The following NUMA1 variants were observed in gnomAD, a reference collection of about 807,000 sequenced individuals.
The protein encoded by NUMA1 is nuclear mitotic apparatus protein 1.
In NUMA1, 62 loss-of-function variants were observed where a neutral mutation model predicts 237.1. That is an observed-to-expected ratio of 0.26 (90% CI 0.21 to 0.32). The LOEUF (loss-of-function observed/expected upper bound fraction) is 0.32, where lower values mean the gene tolerates loss of function less well. NUMA1 is among the 10% of genes least tolerant of loss of function. The pLI is 1.00. For synonymous variants in NUMA1, 1,028 were observed against 1,066.1 expected (o/e 0.96, Z 0.70); for missense variants, 2,533 against 2,666.5 (o/e 0.95, Z 1.10).
At chr11:72,036,139 A>G in intron 2 of NUMA1, among the ~76,000 whole-genome samples, 164 bp from the exon 3 acceptor site, 1 of 152,210 alleles carries the variant, frequency 6.6e-6, no homozygotes, top group East Asian at 1.9e-4. Context: ...TACACATGAC[A>G]ATTACTATAG....
intron 2 of NUMA1, among the ~76,000 whole-genome samples, chr11:72,060,868 G>A (rs966827728): frequency 2.0e-5 from 3 of 152,008 alleles, no homozygotes; most frequent in Admixed American, 6.6e-5. Context: ...CAGGAGAATC[G>A]AGACTGTCCT....
rs1227996383 is a variant in NUMA1, at chr11:72,015,847, C to T, written c.1656G>A (p.Gln552=). 3 of 1,614,068 alleles carry T rather than the reference C, an allele frequency of 1.9e-6. No homozygotes were observed. Among genetic ancestry groups the T allele is most frequent in the East Asian group, 2.2e-5 (1 of 44,890 alleles). Residue 552 remains glutamine (Q), a synonymous_variant, in exon 15 of 27, where the codon CAG becomes CAA. Transcript: ENST00000393695. This position sits in a 1 kb window ranked among gnomAD's most constrained non-coding sequence, Gnocchi z 4.0. ...TCAGGCTACTGCTTAGCTGCTCCAC[C>T]TGGTGGCGGAGGCCCTGGGAGGCCT... is the stretch of plus-strand genomic sequence containing the variant. ...QEQASQGLRH[Q]VEQLSSSLKQ...
intron 1 of NUMA1, among the ~76,000 whole-genome samples, chr11:72,078,413 A>G (rs550666702): frequency 3.9e-5 from 6 of 152,252 alleles, no homozygotes; most frequent in Non-Finnish European, 7.3e-5. Flanking sequence ...CACAAACCTA[A>G]TATCTTCTGA....
chr11:72,049,394 T>C (rs1942179990), intron 2 of NUMA1: 1 of 151,136 alleles, frequency 6.6e-6, no homozygotes, highest in Non-Finnish European at 1.5e-5. Context: ...AGAACCAAGC[T>C]AGGGTCGGAT....
chr11:72,071,429 A>T (rs1295087647), intron 1 of NUMA1, among the ~76,000 whole-genome samples: 1 of 152,236 alleles, frequency 6.6e-6, no homozygotes, highest in Non-Finnish European at 1.5e-5. Flanking sequence ...AAATGCTATG[A>T]AAGACAAAAA....
At chr11:72,061,461 C>T (rs1480084946) in intron 2 of NUMA1, among the ~76,000 whole-genome samples, 3 of 150,004 alleles carry the variant, frequency 2.0e-5, no homozygotes, top group African/African-American at 7.4e-5. Context: ...CTATGCACTA[C>T]TCTTCGTCTT....
At chr11:72,059,131 C>G (rs1488492839) in intron 2 of NUMA1, among the ~76,000 whole-genome samples, 1 of 152,202 alleles carries the variant, frequency 6.6e-6, no homozygotes, top group African/African-American at 2.4e-5. Flanking sequence ...AGCATGTACA[C>G]ATACAGGTAT....
chr11:72,075,634 A>C (rs1173149295), intron 1 of NUMA1, among the ~76,000 whole-genome samples: 1 of 152,146 alleles, frequency 6.6e-6, no homozygotes, highest in Non-Finnish European at 1.5e-5. Flanking sequence ...GGATGAGAAA[A>C]ATTCTTTATG....
At position 72,004,215 on chromosome 11, in the gene NUMA1, CCAGCCT is replaced by C. The variant is rs1565182223; in HGVS notation, c.6123+4_6123+9del. ...GGCGTCGCTTCATCCCCCTTCAGCCCCAGCCTCACCTGTTTAGTAGAAGCTGGAGCT... is the reference window on the plus strand; with the variant it reads ...GGCGTCGCTTCATCCCCCTTCAGCCCCACCTGTTTAGTAGAAGCTGGAGCT... On this transcript the variant is annotated splice_donor_5th_base_variant and intron_variant, in intron 25 of 26. Coordinates refer to ENST00000393695, the MANE Select transcript of NUMA1 (RefSeq NM_006185.4). 6.2e-7 allele frequency: 1 copy of C among 1,608,582 alleles called. No individual in the cohort carries two copies. The highest frequency in any genetic ancestry group is 8.5e-7 in the Non-Finnish European group (1 of 1,178,250).
intron 2 of NUMA1, among the ~76,000 whole-genome samples, chr11:72,059,940 A>G (rs1381427350): frequency 6.6e-6 from 1 of 152,164 alleles, no homozygotes; most frequent in East Asian, 1.9e-4. Flanking sequence ...TTATTGTTTT[A>G]ATTTATATCT....
intron 1 of NUMA1, among the ~76,000 whole-genome samples, chr11:72,072,453 G>A (rs967944291): frequency 1.3e-5 from 2 of 152,150 alleles, no homozygotes; most frequent in Non-Finnish European, 2.9e-5. Context: ...GAAGAAATCT[G>A]CAAGGCTGAA....
chr11:72,014,941 C>T lies in NUMA1; in HGVS notation c.2562G>A (p.Glu854=). The T allele has an allele frequency of 6.2e-7, 1 of 1,614,180 alleles. No individual in the cohort carries two copies. The highest frequency in any genetic ancestry group is 2.2e-5 in the East Asian group (1 of 44,892). Residue 854 remains glutamate, a synonymous_variant, in exon 15 of 27, where the codon GAG becomes GAA. Transcript: ENST00000393695. This position sits in a 1 kb window ranked among gnomAD's most constrained non-coding sequence, Gnocchi z 4.6. The part of the protein sequence containing the change: ...KARQELQEAK[E]KVAGIESHSE... The stretch of plus-strand genomic sequence containing the variant: ...TGTGGGATTCTATGCCTGCCACCTT[C>T]TCCTTTGCCTCCTGCAGCTCCTGGC...
chr11:72,027,758 G>A (rs900383519), intron 4 of NUMA1, among the ~76,000 whole-genome samples: 2 of 152,196 alleles, frequency 1.3e-5, no homozygotes, highest in African/African-American at 4.8e-5. Flanking sequence ...AGATTCTTGA[G>A]AACTCGTGCA....
intron 1 of NUMA1, among the ~76,000 whole-genome samples, chr11:72,079,358 T>C (rs902955128): frequency 6.6e-6 from 1 of 152,104 alleles, no homozygotes; most frequent in African/African-American, 2.4e-5. Context: ...CTGGCCAAGA[T>C]GGTGAAACCC....
intron 2 of NUMA1, among the ~76,000 whole-genome samples, chr11:72,036,979 T>C (rs947095334): frequency 6.6e-6 from 1 of 152,178 alleles, no homozygotes; most frequent in Non-Finnish European, 1.5e-5. Context: ...CCACATCACT[T>C]GTAAGTCTCC....
rs188717226 is a variant in NUMA1, at chr11:72,061,837, T to C, written c.-33+8005A>G. Among the ~76,000 whole-genome samples the C allele has an allele frequency of 5.9e-5, 9 of 152,166 alleles. No homozygotes were observed. The East Asian group carries it at 1.5e-3, about 26-fold the overall frequency. On this transcript the variant is annotated intron_variant, in intron 2 of 26. Coordinates refer to ENST00000393695, the MANE Select transcript of NUMA1 (RefSeq NM_006185.4). The stretch of plus-strand genomic sequence containing the variant: ...TACTGTCCTTCAATGATTTTGACAA[T>C]GTAGTTCCTACCCACACACCACAAT...
rs747729396 is a variant in NUMA1, at chr11:72,035,878, A to T, written c.42+24T>A. ...CAAGCTTCCTGGAGAAGTATAGCCA[A>T]CAAAAGAGAGGAAGACTACTTACCC... On this transcript the variant is annotated intron_variant, in intron 3 of 26. Coordinates refer to ENST00000393695, the MANE Select transcript of NUMA1 (RefSeq NM_006185.4). 7 of 1,612,890 alleles carry T rather than the reference A, an allele frequency of 4.3e-6. No individual in the cohort carries two copies. The African/African-American group carries it at 9.3e-5, about 22-fold the overall frequency.
intron 1 of NUMA1, chr11:72,072,378 A>G (rs1943491389): frequency 6.5e-6 from 1 of 154,604 alleles, no homozygotes; most frequent in South Asian, 2.0e-4. Context: ...TCAAATAAAC[A>G]TGCCTGAAAT....
chr11:72,062,408 T>C (rs948122666), intron 2 of NUMA1, among the ~76,000 whole-genome samples: 1 of 152,146 alleles, frequency 6.6e-6, no homozygotes, highest in Non-Finnish European at 1.5e-5. Context: ...GAGAAATTAA[T>C]AATCAAAGAA....
Sources: gnomAD v4.1 joint callset for allele counts (sites outside exome capture counted in the v4.1 genomes callset) on GRCh38, gnomAD v4.1.1 for gene constraint, Gnocchi (gnomAD v3.1) non-coding constraint, MANE v1.5 for transcripts, NCBI Gene and HGNC (gene_info 2026-07-23, HGNC 2026-07-21) for gene names.